Variants in COL18A1 observed in about 807,000 individuals in gnomAD.
The protein encoded by COL18A1 is collagen alpha-1(XVIII) chain.
Under a neutral mutation model 168.0 loss-of-function variants are expected in COL18A1, and 133 were observed. The ratio of observed to expected loss-of-function variants is 0.79; its 90% confidence interval spans 0.69 to 0.91. The LOEUF (loss-of-function observed/expected upper bound fraction) is 0.91, where lower values mean the gene tolerates loss of function less well. COL18A1 is among the 40% of genes least tolerant of loss of function. The pLI is 0.00. For missense variants in COL18A1, 2,126 were observed against 1,925.4 expected, an observed-to-expected ratio of 1.10 and a Z score of -1.95; for synonymous variants, 949 against 809.0, an observed-to-expected ratio of 1.17 and a Z score of -2.94.
Position 45,481,517 on chromosome 21 carries a change from A to G in COL18A1, c.1612-446A>G, listed in dbSNP as rs371335997. Among the ~76,000 whole-genome samples the G allele has an allele frequency of 7.2e-5, 11 of 152,330 alleles. No homozygotes were observed. In the East Asian group the frequency reaches 1.7e-3, roughly 24 times the overall value. Reference sequence around the variant, plus strand: ...CATGACATGCCCCTGCCTCCGTAACAGTCCCTACCTGAGCCAGCCAACCCT... The same window carrying G: ...CATGACATGCCCCTGCCTCCGTAACGGTCCCTACCTGAGCCAGCCAACCCT... On this transcript the variant is annotated intron_variant, in intron 13 of 41. Transcript: ENST00000651438.
Position 45,415,625 on chromosome 21 carries a change from G to A in COL18A1, c.106+10152G>A, listed in dbSNP as rs571141072. On this transcript the variant is annotated intron_variant, in intron 2 of 41. Coordinates refer to ENST00000651438, the MANE Select transcript of COL18A1 (RefSeq NM_001379500.1). The stretch of plus-strand genomic sequence containing the variant: ...GCGGCAGGCGGCCGGGGCAGGCCCC[G>A]GACGGGAAAGTGCAGGCGGTGCCAT... Among the ~76,000 whole-genome samples the A allele has an allele frequency of 6.6e-5, 10 of 152,298 alleles. No individual in the cohort carries two copies. In the South Asian group the frequency reaches 8.3e-4, roughly 13 times the overall value.
In COL18A1 at chr21:45,498,058, G is replaced by C. The variant is rs1413905698; in HGVS notation, c.2683+397G>C. On this transcript the variant is annotated intron_variant, in intron 32 of 41. Coordinates refer to ENST00000651438, the MANE Select transcript of COL18A1 (RefSeq NM_001379500.1). The surrounding 1 kb of genome is among the most constrained non-coding windows in gnomAD (Gnocchi z 4.5). ...TCTCCAGGGTTTCATGTGGGAAGGA[G>C]GCGTTGCCCGACAGGCCGTCTGGAG... 1.6e-6 allele frequency: 1 copy of C among 607,072 alleles called. No homozygotes were observed. Among genetic ancestry groups the C allele is most frequent in the African/African-American group, 1.9e-5 (1 of 53,918 alleles). 37.6% of individuals were successfully genotyped at this position (607,072 alleles called of 1,614,324 possible). A position where few individuals can be genotyped will look rare whatever the true frequency, so the allele number is the denominator to read the frequency against.
intron 2 of COL18A1, among the ~76,000 whole-genome samples, chr21:45,413,160 AG>A (rs1312689119): frequency 6.6e-6 from 1 of 152,192 alleles, no homozygotes; most frequent in Admixed American, 6.5e-5. Flanking sequence ...CCCCACCCTT[AG>A]GGCAGAGCCC....
intron 2 of COL18A1, among the ~76,000 whole-genome samples, chr21:45,441,959 C>A (rs1170825899): frequency 6.6e-6 from 1 of 152,242 alleles, no homozygotes; most frequent in Non-Finnish European, 1.5e-5. Flanking sequence ...GGCCTGGTGA[C>A]CCCCTGGGAC....
At chr21:45,442,518 T>C (rs566796023) in intron 2 of COL18A1, among the ~76,000 whole-genome samples, 2 of 152,360 alleles carry the variant, frequency 1.3e-5, no homozygotes, top group East Asian at 3.9e-4. Context: ...GTAGTCTCTG[T>C]CGCCGGGTAG....
intron 26 of COL18A1, chr21:45,493,968 G>A: frequency 3.4e-6 from 1 of 291,952 alleles, no homozygotes. Flanking sequence ...CTGTGGGCAG[G>A]GCCCGGAGTC....
intron 8 of COL18A1, 50 bp from the exon 9 acceptor site, chr21:45,478,277 G>A (rs777733033): frequency 1.2e-6 from 2 of 1,612,956 alleles, no homozygotes; most frequent in Non-Finnish European, 1.7e-6. Context: ...ACTGTAGGTG[G>A]CGCCGGAGGA....
intron 9 of COL18A1, among the ~76,000 whole-genome samples, chr21:45,479,429 C>T (rs546369329): frequency 8.0e-4 from 121 of 151,964 alleles, no homozygotes; most frequent in Non-Finnish European, 1.3e-3. Context: ...CACGTGGACA[C>T]ATGCACACAC....
At position 45,502,006 on chromosome 21, in the gene COL18A1, C is replaced by T. The variant is rs561614819; in HGVS notation, c.2684-2005C>T. ...AGAAGGACCCTCAGGGGCTCCACAG[C>T]CGGTCACCTCCCTCTGCAGAAGGAC... On this transcript the variant is annotated intron_variant, in intron 32 of 41. Transcript: ENST00000651438. Among the ~76,000 whole-genome samples the T allele has an allele frequency of 3.7e-5, 3 of 80,046 alleles. 1 individual carries two copies. Among genetic ancestry groups the T allele is most frequent in the South Asian group, 7.9e-4 (2 of 2,532 alleles). The allele number at this position is 80,046 out of a possible 152,430, so 52.5% of individuals were successfully genotyped here.
chr21:45,511,356 C>A, intron 41 of COL18A1, 130 bp downstream of exon 41: 1 of 686,584 alleles, frequency 1.5e-6, no homozygotes, highest in South Asian at 1.5e-5. Context: ...TTTAAAATTA[C>A]AAAATCCAAA....
At chr21:45,510,880 C>T (rs1417261350) in intron 40 of COL18A1, among the ~76,000 whole-genome samples, 1 of 152,072 alleles carries the variant, frequency 6.6e-6, no homozygotes, top group Non-Finnish European at 1.5e-5. Flanking sequence ...CCTGGCTCCC[C>T]CACGCTTGTT....
At chr21:45,434,490 A>G (rs1602372417) in intron 2 of COL18A1, among the ~76,000 whole-genome samples, 1 of 152,154 alleles carries the variant, frequency 6.6e-6, no homozygotes, top group East Asian at 1.9e-4. Flanking sequence ...ATCAGGCCAG[A>G]GGCTGGGACT....
chr21:45,493,540 G>A lies in COL18A1; in HGVS notation c.2317G>A (p.Gly773Ser), dbSNP rs775351872. The change falls in exon 26 of 42, where the codon GGC becomes AGC. Residue 773 changes from glycine to serine, a missense_variant. Gly to Ser is a moderately conservative substitution (Grantham distance 56). Coordinates refer to ENST00000651438, the MANE Select transcript of COL18A1 (RefSeq NM_001379500.1). The stretch of plus-strand genomic sequence containing the variant: ...ACCGGGCAGCATCTTCAGCCCCGAC[G>A]GCGGTGCCCTGGGCCCTGCCCAGAA... Reference protein sequence around the residue: ...GEPGSIFSPDGGALGPAQKGA... With the variant: ...GEPGSIFSPDSGALGPAQKGA... 1.0e-5 allele frequency: 16 copies of A among 1,560,712 alleles called. No homozygotes were observed. Among genetic ancestry groups the A allele is most frequent in the African/African-American group, 5.5e-5 (4 of 73,364 alleles).
chr21:45,484,555 T>G (rs1395067980), intron 15 of COL18A1, among the ~76,000 whole-genome samples: 1 of 152,214 alleles, frequency 6.6e-6, no homozygotes, highest in Non-Finnish European at 1.5e-5. Flanking sequence ...TGCACACAGC[T>G]CTCATGTATG....
chr21:45,488,616 G>A (rs574334934), intron 18 of COL18A1, among the ~76,000 whole-genome samples, 172 bp downstream of exon 18: 3 of 152,172 alleles, frequency 2.0e-5, no homozygotes, highest in South Asian at 2.1e-4. Context: ...GGAAATAATC[G>A]CACACCAACC....
At position 45,512,862 on chromosome 21, in the gene COL18A1, C is replaced by T. The variant is rs1183660394; in HGVS notation, c.*464C>T. ...ATGGGAGCTGAGGCCACACTCAGCACAAGGCCATCTGGGCTCCTCCAGGGT... is the reference window on the plus strand; with the variant it reads ...ATGGGAGCTGAGGCCACACTCAGCATAAGGCCATCTGGGCTCCTCCAGGGT... On this transcript the variant is annotated 3_prime_UTR_variant, in exon 42 of 42. Transcript: ENST00000651438. 3.9e-6 allele frequency: 1 copy of T among 258,792 alleles called. No individual in the cohort carries two copies. The highest frequency in any genetic ancestry group is 7.6e-6 in the Non-Finnish European group (1 of 131,608). 16.0% of individuals were successfully genotyped at this position (258,792 alleles called of 1,614,324 possible). A position where few individuals can be genotyped will look rare whatever the true frequency, so the allele number is the denominator to read the frequency against.
chr21:45,477,713 C>A, intron 7 of COL18A1, 37 bp from the exon 8 acceptor site: 1 of 1,504,284 alleles, frequency 6.6e-7, no homozygotes, highest in Non-Finnish European at 8.9e-7. Flanking sequence ...TGTGGGGCCC[C>A]ACCCCAGCCC....
At chr21:45,460,361 A>G (rs1318985814) in intron 2 of COL18A1, among the ~76,000 whole-genome samples, 16 of 152,082 alleles carry the variant, frequency 1.1e-4, no homozygotes, top group Admixed American at 1.0e-3. Flanking sequence ...GTCCACACAC[A>G]CGCCGGCCAA....
At chr21:45,421,243 G>GC in intron 2 of COL18A1, 2 of 365,416 alleles carry the variant, frequency 5.5e-6, no homozygotes, top group Non-Finnish European at 1.1e-5. Flanking sequence ...CTTGCTTTGA[G>GC]CCCCTTGCAA....
Sources: gnomAD v4.1 joint callset for allele counts (sites outside exome capture counted in the v4.1 genomes callset) on GRCh38, gnomAD v4.1.1 for gene constraint, Gnocchi (gnomAD v3.1) non-coding constraint, MANE v1.5 for transcripts, NCBI Gene and HGNC (gene_info 2026-07-23, HGNC 2026-07-21) for gene names.